FHIT: variants seen among roughly 807,000 people sequenced by gnomAD.
The protein encoded by FHIT is fragile histidine triad diadenosine triphosphatase, also known as bis(5'-adenosyl)-triphosphatase.
Under a neutral mutation model 17.9 loss-of-function variants are expected in FHIT, and 19 were observed. That is an observed-to-expected ratio of 1.06 (90% CI 0.74 to 1.56). FHIT has a LOEUF of 1.56. Among genes scored for constraint, FHIT ranks in the 40% most tolerant of loss-of-function variants. The pLI is 0.00. For missense variants in FHIT, 248 were observed against 189.2 expected (o/e 1.31, Z -1.82); for synonymous variants, 81 against 69.7 (o/e 1.16, Z -0.81).
At chr3:60,439,421 G>A (rs1051063649) in intron 5 of FHIT, among the ~76,000 whole-genome samples, 1 of 152,110 alleles carries the variant, frequency 6.6e-6, no homozygotes, top group Non-Finnish European at 1.5e-5. Context: ...TGTGCTCTGT[G>A]CAAAGCCTTG....
At chr3:59,888,881 G>C (rs1703736476) in intron 8 of FHIT, among the ~76,000 whole-genome samples, 1 of 152,212 alleles carries the variant, frequency 6.6e-6, no homozygotes, top group Non-Finnish European at 1.5e-5. Context: ...GGGGCAAGCT[G>C]CATCCAGTGA....
chr3:61,068,260 G>C (rs143276087), intron 2 of FHIT, among the ~76,000 whole-genome samples: 1,864 of 152,268 alleles, frequency 0.012, 92 homozygotes, highest in Admixed American at 0.093. Context: ...AGTCTCTAAG[G>C]AAGAATGTTT....
At chr3:60,112,399 T>C (rs1417865850) in intron 5 of FHIT, among the ~76,000 whole-genome samples, 1 of 152,166 alleles carries the variant, frequency 6.6e-6, no homozygotes, top group African/African-American at 2.4e-5. Context: ...GTAGCTGTGG[T>C]CCCGAGTTTC....
chr3:60,552,078 A>T (rs377046206), intron 4 of FHIT, among the ~76,000 whole-genome samples: 82 of 152,196 alleles, frequency 5.4e-4, no homozygotes, highest in African/African-American at 1.8e-3. Flanking sequence ...ATAGAAATGG[A>T]GTCATACGAT....
chr3:61,227,756 T>A (rs967199874), intron 1 of FHIT, among the ~76,000 whole-genome samples: 2 of 152,174 alleles, frequency 1.3e-5, no homozygotes, highest in African/African-American at 4.8e-5. Flanking sequence ...ATCAACAAAT[T>A]GGAATGGAGA....
chr3:61,108,055 A>G (rs1365551821), intron 2 of FHIT, among the ~76,000 whole-genome samples: 1 of 152,238 alleles, frequency 6.6e-6, no homozygotes, highest in Admixed American at 6.5e-5. Context: ...CTAACAAACC[A>G]TTCTAACAAG....
At position 61,047,368 on chromosome 3, in the gene FHIT, A is replaced by T. The variant is rs192248326; in HGVS notation, c.-163-5269T>A. On this transcript the variant is annotated intron_variant, in intron 2 of 9. Transcript: ENST00000492590. Reference sequence around the variant, plus strand: ...AAACAGAGAGCCAAATCATGAGTGAACTCCCATTCTCAATTGCTTCAAAGA... The same window carrying T: ...AAACAGAGAGCCAAATCATGAGTGATCTCCCATTCTCAATTGCTTCAAAGA... Among the ~76,000 whole-genome samples, 127 of 152,224 alleles carry T rather than the reference A, an allele frequency of 8.3e-4. 1 individual carries two copies. The highest frequency in any genetic ancestry group is 7.7e-3 in the Admixed American group (118 of 15,280).
At chr3:61,188,965 C>T (rs553789984) in intron 2 of FHIT, among the ~76,000 whole-genome samples, 137 of 152,006 alleles carry the variant, frequency 9.0e-4, no homozygotes, top group African/African-American at 3.0e-3. Flanking sequence ...GACAAACCCA[C>T]AGTCAATATC....
At chr3:61,221,993 G>A (rs2039852212) in intron 1 of FHIT, among the ~76,000 whole-genome samples, 2 of 152,184 alleles carry the variant, frequency 1.3e-5, no homozygotes, top group African/African-American at 4.8e-5. Context: ...CCACTCCACT[G>A]CAGGGTCAGG....
At chr3:60,672,687 G>A (rs975886263) in intron 4 of FHIT, among the ~76,000 whole-genome samples, 6 of 152,024 alleles carry the variant, frequency 3.9e-5, no homozygotes, top group African/African-American at 1.4e-4. Flanking sequence ...CTATTAATTG[G>A]GACATTTAGT....
chr3:60,611,024 T>C (rs2038769852), intron 4 of FHIT, among the ~76,000 whole-genome samples: 1 of 152,158 alleles, frequency 6.6e-6, no homozygotes, highest in East Asian at 1.9e-4. Flanking sequence ...AGTGTGAGGA[T>C]TAAATGAGAC....
chr3:60,590,715 C>T (rs571644654), intron 4 of FHIT, among the ~76,000 whole-genome samples: 22 of 152,144 alleles, frequency 1.4e-4, no homozygotes, highest in African/African-American at 2.9e-4. Flanking sequence ...ATTAATTCAA[C>T]GCATATTTAC....
rs1169389114 is a variant in FHIT at position 60,364,281 on chromosome 3, C to G, written c.103+172579G>C. Among the ~76,000 whole-genome samples the G allele has an allele frequency of 1.3e-5, 2 of 152,216 alleles. 1 individual carries two copies. The highest frequency in any genetic ancestry group is 2.9e-5 in the Non-Finnish European group (2 of 68,036). On this transcript the variant is annotated intron_variant, in intron 5 of 9. Transcript: ENST00000492590. ...CTTTCAAGTGAAATGCTCTTCACCA[C>G]TTTTTCTGCTGGAAAATTCTAACTC... is the stretch of plus-strand genomic sequence containing the variant.
intron 7 of FHIT, among the ~76,000 whole-genome samples, chr3:59,923,657 T>C (rs953818578): frequency 2.6e-5 from 4 of 152,108 alleles, no homozygotes; most frequent in African/African-American, 9.7e-5. Context: ...TGGGGAGGAA[T>C]GCGAAAATGA....
At chr3:60,203,502 A>G (rs938948107) in intron 5 of FHIT, among the ~76,000 whole-genome samples, 9 of 152,210 alleles carry the variant, frequency 5.9e-5, no homozygotes, top group Admixed American at 2.0e-4. Context: ...AGGTCACACC[A>G]AGAGTTTTTA....
At chr3:60,895,706 CTT>C (rs1302103854) in intron 3 of FHIT, among the ~76,000 whole-genome samples, 1 of 141,224 alleles carries the variant, frequency 7.1e-6, no homozygotes, top group Non-Finnish European at 1.6e-5. Context: ...TTCTTTCTTT[CTT>C]TCTTTCTTTC....
At chr3:59,773,075 A>G (rs777510047) in intron 8 of FHIT, among the ~76,000 whole-genome samples, 4 of 152,174 alleles carry the variant, frequency 2.6e-5, no homozygotes, top group Non-Finnish European at 2.9e-5. Flanking sequence ...TTTTTGTTTG[A>G]GAGTTTCCAC....
At chr3:60,390,428 AC>A (rs1318382336) in intron 5 of FHIT, among the ~76,000 whole-genome samples, 60 of 4,076 alleles carry the variant, frequency 0.015, 7 homozygotes, top group African/African-American at 0.023. Flanking sequence ...AAAAAAAAAA[AC>A]CCGTACCCTC....
intron 7 of FHIT, among the ~76,000 whole-genome samples, chr3:59,974,292 C>T (rs1708313801): frequency 6.6e-6 from 1 of 152,130 alleles, no homozygotes; most frequent in Non-Finnish European, 1.5e-5. Context: ...ATAGTTTTGC[C>T]TCACTTCGTA....
Sources: allele counts gnomAD v4.1 joint callset (sites outside exome capture counted in the v4.1 genomes callset), GRCh38; gene constraint gnomAD v4.1.1; transcripts MANE v1.5; gene names NCBI Gene and HGNC (gene_info 2026-07-23, HGNC 2026-07-21).